Variants in CFAP263 observed in about 807,000 individuals in gnomAD.
CFAP263 encodes the protein cilia- and flagella-associated protein 263.
chr16:58,252,867 A>T, the CFAP263 span: 1 of 1,612,738 alleles, frequency 6.2e-7, no homozygotes, highest in Non-Finnish European at 8.5e-7. Context: ...CACAATGGAG[A>T]TCTAGATCAT....
At chr16:58,271,145 T>C in the CFAP263 span, among the ~76,000 whole-genome samples, 2 of 152,318 alleles carry the variant, frequency 1.3e-5, no homozygotes, top group South Asian at 2.1e-4. Flanking sequence ...CATATTCCTG[T>C]CTGGTATCAC....
the CFAP263 span, chr16:58,258,456 A>G: frequency 5.6e-6 from 9 of 1,613,974 alleles, no homozygotes; most frequent in Non-Finnish European, 7.6e-6. Flanking sequence ...GCCATATCCA[A>G]GAAGAAAGGG....
chr16:58,283,495 C>T, the CFAP263 span: 1 of 152,230 alleles, frequency 6.6e-6, no homozygotes, highest in South Asian at 2.1e-4. Flanking sequence ...TAGGGTGTGT[C>T]TTTTAATCAG....
chr16:58,280,046 G>C, the CFAP263 span: 7 of 664,796 alleles, frequency 1.1e-5, no homozygotes, highest in Middle Eastern at 4.1e-4. Flanking sequence ...TAGTGAAAGT[G>C]ACCTTCCCAC....
chr16:58,265,683 G>A, the CFAP263 span, among the ~76,000 whole-genome samples: 7 of 152,190 alleles, frequency 4.6e-5, no homozygotes, highest in Non-Finnish European at 7.3e-5. Context: ...TGGAAGCTGT[G>A]AGATAATAAA....
the CFAP263 span, chr16:58,279,849 C>A: frequency 1.7e-6 from 2 of 1,194,390 alleles, no homozygotes; most frequent in Non-Finnish European, 2.4e-6. Context: ...TAGTCACGGG[C>A]TCCTCTCACT....
At chr16:58,250,967 GC>G in the CFAP263 span, among the ~76,000 whole-genome samples, 1 of 152,094 alleles carries the variant, frequency 6.6e-6, no homozygotes, top group Non-Finnish European at 1.5e-5. Flanking sequence ...TTCTACTATA[GC>G]AAGTAAATTG....
the CFAP263 span, chr16:58,278,786 C>A: frequency 1.4e-6 from 1 of 699,016 alleles, no homozygotes; most frequent in Non-Finnish European, 2.3e-6. Context: ...TAAACCAAGA[C>A]GAAGGATGAT....
chr16:58,257,879 G>C, the CFAP263 span, among the ~76,000 whole-genome samples: 1 of 151,874 alleles, frequency 6.6e-6, no homozygotes, highest in Non-Finnish European at 1.5e-5. Context: ...AGGCCGAGGT[G>C]GGCGGATCAC....
chr16:58,259,507 A>G, the CFAP263 span, among the ~76,000 whole-genome samples: 1 of 152,216 alleles, frequency 6.6e-6, no homozygotes, highest in Admixed American at 6.5e-5. Flanking sequence ...TACTAATCCT[A>G]ATATGTTAAC....
chr16:58,257,014 CTTTT>C, the CFAP263 span, among the ~76,000 whole-genome samples: 3 of 41,920 alleles, frequency 7.2e-5, no homozygotes, highest in African/African-American at 3.6e-4. Flanking sequence ...ATATGAATTT[CTTTT>C]TTTTTTTTTT....
chr16:58,266,355 C>T, the CFAP263 span, among the ~76,000 whole-genome samples: 2 of 127,644 alleles, frequency 1.6e-5, no homozygotes, highest in Non-Finnish European at 3.2e-5. Flanking sequence ...CTGATTCAAT[C>T]TTTCAGCTCT....
chr16:58,265,487 G>A, the CFAP263 span, among the ~76,000 whole-genome samples: 2 of 152,188 alleles, frequency 1.3e-5, no homozygotes, highest in Non-Finnish European at 2.9e-5. Context: ...CCTGCTGACA[G>A]CCCAAAAGAA....
chr16:58,253,178 G>T, the CFAP263 span, among the ~76,000 whole-genome samples: 1 of 152,122 alleles, frequency 6.6e-6, no homozygotes, highest in African/African-American at 2.4e-5. Flanking sequence ...AGGAGTTCGA[G>T]ACCTTCCTGG....
At chr16:58,274,548 A>C in the CFAP263 span, among the ~76,000 whole-genome samples, 3 of 152,198 alleles carry the variant, frequency 2.0e-5, no homozygotes, top group Admixed American at 2.0e-4. Context: ...TGCTGTTCTC[A>C]TGATAGTGAG....
the CFAP263 span, among the ~76,000 whole-genome samples, chr16:58,263,232 A>G: frequency 2.0e-5 from 3 of 152,212 alleles, no homozygotes; most frequent in Admixed American, 2.0e-4. Context: ...TGAGCTAAGA[A>G]TGATATTACA....
chr16:58,258,639 A>T, the CFAP263 span: 1 of 923,578 alleles, frequency 1.1e-6, no homozygotes, highest in African/African-American at 1.7e-5. Context: ...TTGCCCACAT[A>T]TGCGGATTTT....
At chr16:58,271,679 T>C in the CFAP263 span, among the ~76,000 whole-genome samples, 2 of 152,188 alleles carry the variant, frequency 1.3e-5, no homozygotes, top group Admixed American at 1.3e-4. Context: ...ATAATTATAT[T>C]GGGGTTTATG....
the CFAP263 span, chr16:58,280,123 C>T: frequency 1.6e-6 from 2 of 1,224,526 alleles, no homozygotes; most frequent in African/African-American, 3.1e-5. Flanking sequence ...CGTGGCAGCC[C>T]CAGTGTGCAA....
Sources: gnomAD v4.1 joint callset for allele counts (sites outside exome capture counted in the v4.1 genomes callset) on GRCh38, gnomAD v4.1.1 for gene constraint, MANE v1.5 for transcripts, NCBI Gene and HGNC (gene_info 2026-07-23, HGNC 2026-07-21) for gene names.